The following RPIA variants were observed in gnomAD, a reference collection of about 807,000 sequenced individuals.
RPIA encodes the protein ribose 5-phosphate isomerase A.
RPIA carries 29 observed loss-of-function variants against 37.8 expected under a neutral mutation model. The ratio of observed to expected loss-of-function variants is 0.77; its 90% CI spans 0.57 to 1.05. The LOEUF is 1.05. Ranked by LOEUF, RPIA falls within the 50% of genes least tolerant of loss-of-function variation. The pLI, the probability that RPIA is intolerant of heterozygous loss-of-function variation, is 0.00. For synonymous variants in RPIA, 167 were observed against 157.0 expected (o/e 1.06, Z -0.48); for missense variants, 385 against 413.6 (o/e 0.93, Z 0.60).
chr2:88,728,607 C>CCAAA (rs1673226950), intron 3 of RPIA, among the ~76,000 whole-genome samples: 1 of 152,158 alleles, frequency 6.6e-6, no homozygotes, highest in Non-Finnish European at 1.5e-5. Flanking sequence ...ATTCCAGCTA[C>CCAAA]GAATCCTGCT....
At chr2:88,693,858 C>G (rs902727911) in intron 1 of RPIA, among the ~76,000 whole-genome samples, 1 of 152,174 alleles carries the variant, frequency 6.6e-6, no homozygotes, top group African/African-American at 2.4e-5. Context: ...GTATAGCCAC[C>G]TTGGGCCCAG....
At chr2:88,725,546 C>A (rs1174987281) in intron 3 of RPIA, among the ~76,000 whole-genome samples, 1 of 152,054 alleles carries the variant, frequency 6.6e-6, no homozygotes, top group Non-Finnish European at 1.5e-5. Flanking sequence ...TGCATGTTCA[C>A]ATGTTGTTCT....
chr2:88,740,583 T>C (rs1673371013), intron 8 of RPIA, among the ~76,000 whole-genome samples: 2 of 152,186 alleles, frequency 1.3e-5, no homozygotes, highest in Non-Finnish European at 2.9e-5. Flanking sequence ...CCCTTTGATG[T>C]TTTGTTGTGT....
At position 88,732,728 on chromosome 2, in the gene RPIA, TAAAAAAAAAAAAAAAAAAAAA is replaced by T. The variant is rs75685116; in HGVS notation, c.463-1807_463-1787del. 3.5e-3 allele frequency among the ~76,000 whole-genome samples: 7 copies of T among 1,998 alleles called. 2 individuals carry two copies. The highest frequency in any genetic ancestry group is 4.9e-3 in the Non-Finnish European group (6 of 1,228). 1.3% of individuals were successfully genotyped at this position (1,998 alleles called of 152,430 possible). On this transcript the variant is annotated intron_variant, in intron 4 of 8. Transcript: ENST00000283646. ...ATGTACCCTAAAACTTAGAGTATAA[TAAAAAAAAAAAAAAAAAAAAA>T]AAAAAAAAAAAAAAAAGAAAATATT...
At chr2:88,729,772 C>A (rs1174401145) in intron 4 of RPIA, among the ~76,000 whole-genome samples, 1 of 13,052 alleles carries the variant, frequency 7.7e-5, no homozygotes, top group Non-Finnish European at 1.7e-4. Context: ...TTCAAAAAAT[C>A]AATGAATCCA....
At chr2:88,704,998 A>G (rs1672880924) in intron 3 of RPIA, among the ~76,000 whole-genome samples, 2 of 152,184 alleles carry the variant, frequency 1.3e-5, no homozygotes, top group Admixed American at 6.5e-5. Flanking sequence ...AATACCTAGG[A>G]ATACAGCTAA....
At chr2:88,714,165 T>TG (rs769497502) in intron 3 of RPIA, among the ~76,000 whole-genome samples, 2 of 151,114 alleles carry the variant, frequency 1.3e-5, no homozygotes, top group African/African-American at 4.9e-5. Flanking sequence ...TTTTGTTTTT[T>TG]TGTTTGTTTG....
At chr2:88,708,892 G>A (rs1048985699) in intron 3 of RPIA, among the ~76,000 whole-genome samples, 3 of 152,108 alleles carry the variant, frequency 2.0e-5, no homozygotes, top group African/African-American at 7.2e-5. Context: ...GAGTAGCTGG[G>A]ACTCCAGGTA....
At chr2:88,723,716 T>A (rs1398753458) in intron 3 of RPIA, among the ~76,000 whole-genome samples, 1 of 152,012 alleles carries the variant, frequency 6.6e-6, no homozygotes, top group Non-Finnish European at 1.5e-5. Flanking sequence ...ATTTAGAAAG[T>A]TTATTTTGCC....
At chr2:88,698,016 T>C (rs1460177395) in intron 1 of RPIA, among the ~76,000 whole-genome samples, 1 of 152,122 alleles carries the variant, frequency 6.6e-6, no homozygotes, top group African/African-American at 2.4e-5. Context: ...TTAGGTGTTT[T>C]TCTAATTGCC....
rs547906814 is a variant in RPIA, at chr2:88,735,597, C to A, written c.528-72C>A. 1.1e-4 allele frequency: 146 copies of A among 1,349,328 alleles called. 1 individual carries two copies. In the East Asian group the frequency reaches 3.2e-3, roughly 29 times the overall value. The allele number at this position is 1,349,328 out of a possible 1,614,324, so 83.6% of individuals were successfully genotyped here. A position where few individuals can be genotyped will look rare whatever the true frequency, so the allele number is the denominator to read the frequency against. On this transcript the variant is annotated intron_variant, in intron 5 of 8. Transcript: ENST00000283646. ...GCCAGGATTGAGTGGATTTGGGATT[C>A]CTGTATTTAACCTTAGTTCCCAAAC... is the stretch of plus-strand genomic sequence containing the variant.
At chr2:88,746,451 T>C (rs1673438817) in intron 8 of RPIA, among the ~76,000 whole-genome samples, 1 of 152,342 alleles carries the variant, frequency 6.6e-6, no homozygotes, top group East Asian at 1.9e-4. Flanking sequence ...TCCAATGGGG[T>C]GATCCCTTGA....
At chr2:88,733,930 C>T (rs1376069541) in intron 4 of RPIA, among the ~76,000 whole-genome samples, 1 of 152,054 alleles carries the variant, frequency 6.6e-6, no homozygotes, top group Non-Finnish European at 1.5e-5. Context: ...ATAGAGGGAG[C>T]GGGCAAGCCC....
intron 1 of RPIA, 140 bp downstream of exon 1, chr2:88,692,123 A>T (rs1326994019): frequency 9.1e-7 from 1 of 1,094,164 alleles, no homozygotes; most frequent in Non-Finnish European, 1.3e-6. Flanking sequence ...TGTGCACTTT[A>T]CCCGAGTTTA....
At chr2:88,710,305 C>T (rs1241367609) in intron 3 of RPIA, among the ~76,000 whole-genome samples, 1 of 152,124 alleles carries the variant, frequency 6.6e-6, no homozygotes, top group Admixed American at 6.5e-5. Context: ...CTCAGCCTCC[C>T]AAAGTGCTGA....
chr2:88,741,352 T>C (rs1167231337), intron 8 of RPIA, among the ~76,000 whole-genome samples: 1 of 152,178 alleles, frequency 6.6e-6, no homozygotes, highest in African/African-American at 2.4e-5. Context: ...AGAATTATGG[T>C]CTCCAACTCC....
At chr2:88,746,435 C>G (rs953579049) in intron 8 of RPIA, among the ~76,000 whole-genome samples, 4 of 152,192 alleles carry the variant, frequency 2.6e-5, no homozygotes, top group Non-Finnish European at 5.9e-5. Flanking sequence ...TGTTCAGATT[C>G]TTTTGTCCAA....
At chr2:88,735,931 A>G (rs1673309570) in intron 6 of RPIA, among the ~76,000 whole-genome samples, 194 bp downstream of exon 6, 1 of 152,212 alleles carries the variant, frequency 6.6e-6, no homozygotes, top group African/African-American at 2.4e-5. Flanking sequence ...GTTGCTAATC[A>G]CAGCACTGTT....
chr2:88,748,342 C>T (rs1013160192), intron 8 of RPIA, among the ~76,000 whole-genome samples: 1 of 152,176 alleles, frequency 6.6e-6, no homozygotes, highest in African/African-American at 2.4e-5. Context: ...ACCTATGTAA[C>T]ATTATGACTT....
Sources: gnomAD v4.1 joint callset for allele counts (sites outside exome capture counted in the v4.1 genomes callset) on GRCh38, gnomAD v4.1.1 for gene constraint, MANE v1.5 for transcripts, NCBI Gene and HGNC (gene_info 2026-07-23, HGNC 2026-07-21) for gene names.